Variants in EFNA5 observed in about 807,000 individuals in gnomAD.
The protein encoded by EFNA5 is ephrin A5, also known as ephrin-A5.
A neutral mutation model predicts 22.9 loss-of-function variants in EFNA5; 5 were observed. The observed-to-expected ratio is 0.22, with a 90% confidence interval of 0.11 to 0.46. The LOEUF (loss-of-function observed/expected upper bound fraction) is 0.46, where lower values mean the gene tolerates loss of function less well. Ranked by LOEUF, EFNA5 falls within the 20% of genes least tolerant of loss-of-function variation. The pLI, the probability that EFNA5 is intolerant of heterozygous loss-of-function variation, is 0.99. For synonymous variants in EFNA5, 113 were observed against 112.2 expected (o/e 1.01, Z -0.04); for missense variants, 237 against 293.3 (o/e 0.81, Z 1.40).
intron 1 of EFNA5, among the ~76,000 whole-genome samples, chr5:107,479,090 C>T (rs554551742): frequency 1.3e-5 from 2 of 152,258 alleles, no homozygotes; most frequent in East Asian, 3.9e-4. Flanking sequence ...AAAATTAAGG[C>T]TAATGACCTT....
intron 1 of EFNA5, among the ~76,000 whole-genome samples, chr5:107,533,781 T>G (rs573950483): frequency 6.6e-6 from 1 of 152,300 alleles, no homozygotes; most frequent in South Asian, 2.1e-4. Context: ...AAAATATATA[T>G]CAGCATCTTT....
intron 1 of EFNA5, among the ~76,000 whole-genome samples, chr5:107,460,880 C>T (rs887460536): frequency 2.6e-5 from 4 of 152,140 alleles, no homozygotes; most frequent in South Asian, 2.1e-4. Context: ...ATTAGCACCC[C>T]TCCCCTTTAG....
chr5:107,597,160 A>G (rs1730562730), intron 1 of EFNA5, among the ~76,000 whole-genome samples: 1 of 152,234 alleles, frequency 6.6e-6, no homozygotes, highest in Non-Finnish European at 1.5e-5. Context: ...AAAAAGATCC[A>G]TCAAAAATAT....
intron 1 of EFNA5, among the ~76,000 whole-genome samples, chr5:107,456,351 T>C (rs1247787804): frequency 6.6e-6 from 1 of 152,160 alleles, no homozygotes; most frequent in Non-Finnish European, 1.5e-5. Flanking sequence ...GTAATGATTG[T>C]TTAGGTAATG....
intron 1 of EFNA5, among the ~76,000 whole-genome samples, chr5:107,626,861 C>A (rs961570426): frequency 1.3e-5 from 2 of 151,886 alleles, no homozygotes; most frequent in Non-Finnish European, 2.9e-5. Context: ...GTTGGTGGTG[C>A]CCTGAGCAAA....
At chr5:107,501,522 G>C (rs899280312) in intron 1 of EFNA5, among the ~76,000 whole-genome samples, 3 of 152,132 alleles carry the variant, frequency 2.0e-5, no homozygotes, top group Non-Finnish European at 2.9e-5. Context: ...CCCTGATTTA[G>C]CAAAGAAATT....
chr5:107,649,329 T>C (rs1257554883), intron 1 of EFNA5, among the ~76,000 whole-genome samples: 1 of 152,162 alleles, frequency 6.6e-6, no homozygotes, highest in African/African-American at 2.4e-5. Flanking sequence ...AAGAATAATT[T>C]TCTCACAAAT....
chr5:107,509,468 G>A (rs2112432556), intron 1 of EFNA5, among the ~76,000 whole-genome samples: 1 of 150,456 alleles, frequency 6.6e-6, no homozygotes, highest in South Asian at 2.1e-4. Context: ...ACAAGCATGT[G>A]CCACCATGCT....
chr5:107,616,683 T>C (rs1387836544), intron 1 of EFNA5, among the ~76,000 whole-genome samples: 1 of 152,216 alleles, frequency 6.6e-6, no homozygotes, highest in East Asian at 1.9e-4. Flanking sequence ...TAGTAGAAAG[T>C]ATCCTGTCAA....
At chr5:107,591,549 G>A (rs1341025763) in intron 1 of EFNA5, among the ~76,000 whole-genome samples, 1 of 151,806 alleles carries the variant, frequency 6.6e-6, no homozygotes, top group Non-Finnish European at 1.5e-5. Flanking sequence ...GAGGCCGGGT[G>A]CAGTGGCTCA....
intron 1 of EFNA5, among the ~76,000 whole-genome samples, chr5:107,564,964 A>C (rs2112480653): frequency 6.6e-6 from 1 of 152,210 alleles, no homozygotes; most frequent in Non-Finnish European, 1.5e-5. Flanking sequence ...GTTGTATGTG[A>C]CCTTTTCAGG....
chr5:107,487,255 C>T (rs1269547931), intron 1 of EFNA5, among the ~76,000 whole-genome samples: 1 of 152,154 alleles, frequency 6.6e-6, no homozygotes, highest in Non-Finnish European at 1.5e-5. Flanking sequence ...GAACACCTAA[C>T]CAACTTCTGG....
Position 107,380,923 on chromosome 5 carries a change from G to C in EFNA5, c.*332C>G. 2.3e-6 allele frequency: 1 copy of C among 438,546 alleles called. No homozygotes were observed. Among genetic ancestry groups the C allele is most frequent in the East Asian group, 3.2e-5 (1 of 31,264 alleles). The allele number at this position is 438,546 out of a possible 1,614,324, so 27.2% of individuals were successfully genotyped here. Reference sequence around the variant, plus strand: ...TGACACAGTGCGCTAACGGAGGTGAGTTCTTAGAGGAGAATGCACAGGAGC... The same window carrying C: ...TGACACAGTGCGCTAACGGAGGTGACTTCTTAGAGGAGAATGCACAGGAGC... On this transcript the variant is annotated 3_prime_UTR_variant, in exon 5 of 5. Transcript: ENST00000333274.
At chr5:107,395,585 A>G (rs997255643) in intron 2 of EFNA5, among the ~76,000 whole-genome samples, 10 of 152,252 alleles carry the variant, frequency 6.6e-5, no homozygotes, top group African/African-American at 2.4e-4. Flanking sequence ...CAGTTAAGAA[A>G]AAGTTTTCTA....
At chr5:107,395,133 G>C (rs544896409) in intron 2 of EFNA5, among the ~76,000 whole-genome samples, 171 of 140,110 alleles carry the variant, frequency 1.2e-3, no homozygotes, top group African/African-American at 4.3e-3. Flanking sequence ...CCACCTACCA[G>C]GTTCAAGCGA....
At chr5:107,439,604 A>G (rs1425353144) in intron 1 of EFNA5, among the ~76,000 whole-genome samples, 4 of 152,094 alleles carry the variant, frequency 2.6e-5, no homozygotes, top group East Asian at 1.9e-4. Context: ...TACCCTGCAC[A>G]TGGGAGAGAC....
intron 1 of EFNA5, among the ~76,000 whole-genome samples, chr5:107,626,455 AT>A (rs1279866983): frequency 1.3e-5 from 2 of 151,806 alleles, no homozygotes; most frequent in African/African-American, 2.4e-5. Flanking sequence ...TTTAAAAAAA[AT>A]TTTTTTTAGA....
At chr5:107,510,835 G>A (rs17449791) in intron 1 of EFNA5, among the ~76,000 whole-genome samples, 22,234 of 151,968 alleles carry the variant, frequency 0.15, 1,823 homozygotes, top group Middle Eastern at 0.21. Flanking sequence ...GGATGACAAC[G>A]AGCTACCTAC....
chr5:107,638,732 G>A (rs1750437889), intron 1 of EFNA5, among the ~76,000 whole-genome samples: 1 of 152,080 alleles, frequency 6.6e-6, no homozygotes. Context: ...TATCCATAGA[G>A]TTTCTGGAAA....
Sources: allele counts gnomAD v4.1 joint callset (sites outside exome capture counted in the v4.1 genomes callset), GRCh38; gene constraint gnomAD v4.1.1; transcripts MANE v1.5; gene names NCBI Gene and HGNC (gene_info 2026-07-23, HGNC 2026-07-21).